Variants in TRIM63 observed in about 807,000 individuals in gnomAD.
TRIM63 encodes the protein E3 ubiquitin-protein ligase TRIM63.
In TRIM63, 48 loss-of-function variants were observed where a neutral mutation model predicts 46.0. The ratio of observed to expected loss-of-function variants is 1.04; its 90% CI spans 0.83 to 1.33. TRIM63 has a LOEUF of 1.33. TRIM63 is among the 40% of genes most tolerant of loss of function. The probability of loss-of-function intolerance (pLI) is 0.00; values close to 1 mark genes in which losing one functional copy is unlikely to be tolerated. For missense variants in TRIM63, 455 were observed against 441.2 expected, an observed-to-expected ratio of 1.03 and a Z score of -0.28; for synonymous variants, 175 against 162.8, an observed-to-expected ratio of 1.08 and a Z score of -0.57.
In TRIM63 at chr1:26,053,875, G is replaced by A. The variant is rs2050544909; in HGVS notation, c.1051+18C>T. On this transcript the variant is annotated intron_variant, in intron 8 of 8. Transcript: ENST00000374272. Reference sequence around the variant, plus strand: ...ATGAATGAAGGAACGAAGGAATGGAGGTAGATGAATTTCTTACCTTCTTCC... The same window carrying A: ...ATGAATGAAGGAACGAAGGAATGGAAGTAGATGAATTTCTTACCTTCTTCC... The A allele has an allele frequency of 1.3e-6, 2 of 1,567,098 alleles. No individual in the cohort carries two copies. The highest frequency in any genetic ancestry group is 8.7e-7 in the Non-Finnish European group (1 of 1,145,404).
At position 26,051,839 on chromosome 1, in the gene TRIM63, T is replaced by A; in HGVS notation, c.*34A>T. ...GCCCCTCCCCACCCTCTCCAGTCTC[T>A]CTGCATCTGGGGGCCTCTCATTCAT... On this transcript the variant is annotated 3_prime_UTR_variant, in exon 9 of 9. Coordinates refer to ENST00000374272, the MANE Select transcript of TRIM63 (RefSeq NM_032588.4). The A allele has an allele frequency of 8.8e-7, 1 of 1,139,448 alleles. No individual in the cohort carries two copies. Among genetic ancestry groups the A allele is most frequent in the Non-Finnish European group, 1.1e-6 (1 of 909,490 alleles). The allele number at this position is 1,139,448 out of a possible 1,614,324, so 70.6% of individuals were successfully genotyped here. A position where few individuals can be genotyped will look rare whatever the true frequency, so the allele number is the denominator to read the frequency against.
chr1:26,066,020 C>T (rs1304178109), intron 2 of TRIM63, among the ~76,000 whole-genome samples: 1 of 152,208 alleles, frequency 6.6e-6, no homozygotes, highest in East Asian at 1.9e-4. Context: ...CTCATCTTTC[C>T]CCCAGTCTCT....
intron 2 of TRIM63, among the ~76,000 whole-genome samples, chr1:26,063,356 C>T (rs2050644897): frequency 6.6e-6 from 1 of 152,170 alleles, no homozygotes; most frequent in African/African-American, 2.4e-5. Flanking sequence ...GTGACTGTTC[C>T]CATCAGTGTC....
At chr1:26,054,134 C>T (rs1456651101) in intron 7 of TRIM63, among the ~76,000 whole-genome samples, 170 bp from the exon 8 acceptor site, 1 of 152,246 alleles carries the variant, frequency 6.6e-6, no homozygotes, top group Non-Finnish European at 1.5e-5. Flanking sequence ...GCCAGACCCA[C>T]GCTGCACAGA....
intron 2 of TRIM63, among the ~76,000 whole-genome samples, chr1:26,064,276 T>C (rs1040856921): frequency 6.6e-6 from 1 of 151,878 alleles, no homozygotes; most frequent in African/African-American, 2.4e-5. Flanking sequence ...ACTAAAAATA[T>C]AATAATTAGC....
rs939674761 is a variant in TRIM63 at position 26,062,102 on chromosome 1, T to A, written c.333-768A>T. On this transcript the variant is annotated intron_variant, in intron 2 of 8. Transcript: ENST00000374272. ...GACCAATATGATGAAACCCCGTCTC[T>A]ACTAAAAACTCAAAAAAATTAACCA... is the stretch of plus-strand genomic sequence containing the variant. Among the ~76,000 whole-genome samples the A allele has an allele frequency of 2.6e-5, 4 of 151,998 alleles. No homozygotes were observed. The South Asian group carries it at 8.3e-4, about 31-fold the overall frequency.
At chr1:26,061,918 C>A (rs1025832753) in intron 2 of TRIM63, among the ~76,000 whole-genome samples, 1 of 152,192 alleles carries the variant, frequency 6.6e-6, no homozygotes, top group African/African-American at 2.4e-5. Flanking sequence ...ACCCCTGTGC[C>A]TACACTGTAC....
rs2050625963 is a variant in TRIM63, at chr1:26,061,499, TGGGCCC to T, written c.333-171_333-166del. Among the ~76,000 whole-genome samples, 4 of 152,316 alleles carry T rather than the reference TGGGCCC, an allele frequency of 2.6e-5. No homozygotes were observed. In the South Asian group the frequency reaches 8.3e-4, roughly 32 times the overall value. On this transcript the variant is annotated intron_variant, in intron 2 of 8. Transcript: ENST00000374272. Reference sequence around the variant, plus strand: ...TCTGTGAATCTCCAGATTTATGCCCTGGGCCCTCAGTGTTTGGCTGCCCTAAAATCT... The same window carrying T: ...TCTGTGAATCTCCAGATTTATGCCCTTCAGTGTTTGGCTGCCCTAAAATCT...
chr1:26,067,273 T>TTCATCACCG, intron 1 of TRIM63, 63 bp downstream of exon 1: 1 of 1,586,902 alleles, frequency 6.3e-7, no homozygotes, highest in Non-Finnish European at 8.6e-7. Context: ...GGAGAAGGGT[T>TTCATCACCG]TCATCACAGG....
intron 4 of TRIM63, among the ~76,000 whole-genome samples, chr1:26,059,663 C>A (rs2050605217): frequency 6.6e-6 from 1 of 152,128 alleles, no homozygotes; most frequent in Non-Finnish European, 1.5e-5. Context: ...TATGATGACC[C>A]CTTCCCCTCA....
intron 2 of TRIM63, among the ~76,000 whole-genome samples, chr1:26,063,162 C>G (rs12733047): frequency 6.6e-6 from 1 of 152,174 alleles, no homozygotes; most frequent in Non-Finnish European, 1.5e-5. Flanking sequence ...CCTCGAACTC[C>G]TGGGCTGAGC....
intron 2 of TRIM63, 114 bp from the exon 3 acceptor site, chr1:26,061,448 G>T: frequency 8.6e-7 from 1 of 1,168,582 alleles, no homozygotes; most frequent in Non-Finnish European, 1.2e-6. Context: ...GGATTGCTCA[G>T]CCCAGGAATT....
chr1:26,066,234 G>A (rs2050675421), intron 2 of TRIM63, 34 bp downstream of exon 2: 1 of 1,611,394 alleles, frequency 6.2e-7, no homozygotes, highest in South Asian at 1.1e-5. Flanking sequence ...TGGCTGGGAA[G>A]GAGGGCGGGC....
At chr1:26,064,851 GTCACCTT>G (rs1334969749) in intron 2 of TRIM63, among the ~76,000 whole-genome samples, 1 of 152,212 alleles carries the variant, frequency 6.6e-6, no homozygotes, top group East Asian at 1.9e-4. Context: ...GATCTGGTCT[GTCACCTT>G]CCCCTGGGCT....
Position 26,057,193 on chromosome 1 carries a change from C to A in TRIM63, c.979+10G>T. 6.2e-7 allele frequency: 1 copy of A among 1,613,990 alleles called. No homozygotes were observed. On this transcript the variant is annotated intron_variant, in intron 7 of 8. Coordinates refer to ENST00000374272, the MANE Select transcript of TRIM63 (RefSeq NM_032588.4). The stretch of plus-strand genomic sequence containing the variant: ...GGCAAATAGACAAGTGGCATCACCA[C>A]CTCCTTTACCTGTCCCAAAGTCAAT...
At chr1:26,066,488 C>A in intron 1 of TRIM63, 48 bp from the exon 2 acceptor site, 1 of 1,468,686 alleles carries the variant, frequency 6.8e-7, no homozygotes, top group East Asian at 2.4e-5. Context: ...CTACTTAGCC[C>A]TTCTCTTTTC....
At chr1:26,057,711 C>A (rs2050586018) in intron 5 of TRIM63, 61 bp from the exon 6 acceptor site, 2 of 1,540,932 alleles carry the variant, frequency 1.3e-6, no homozygotes, top group South Asian at 1.2e-5. Flanking sequence ...AGGAAATCAG[C>A]AAAACTAGTG....
Position 26,060,267 on chromosome 1 carries a change from T to C in TRIM63, c.596A>G (p.Lys199Arg). The change falls in exon 4 of 9, where the codon AAG becomes AGG. Residue 199 changes from lysine (K) to arginine (R), a missense_variant and splice_region_variant. By Grantham distance (26) the Lys-to-Arg change is conservative. Transcript: ENST00000374272. ...GGCAGGACTATTCTGTCCGCTCACC[T>C]TGGTCACTCGACGGGAATCCTCCAG... is the stretch of plus-strand genomic sequence containing the variant. The part of the protein sequence containing the change: ...TQLEDSRRVT[K>R]ENSHQVKEEL... 3.7e-6 allele frequency: 6 copies of C among 1,613,532 alleles called. No homozygotes were observed. Among genetic ancestry groups the C allele is most frequent in the Non-Finnish European group, 5.1e-6 (6 of 1,179,692 alleles).
Position 26,053,899 on chromosome 1 carries a change from C to T in TRIM63, c.1045G>A (p.Glu349Lys). ...AGGTAGATGAATTTCTTACCTTCTTCCTTCCCTTCTGTGGACTCTTCCTCT... is the reference window on the plus strand; with the variant it reads ...AGGTAGATGAATTTCTTACCTTCTTTCTTCCCTTCTGTGGACTCTTCCTCT... ...QEEEESTEGK[E>K]EGHQ The change falls in exon 8 of 9, where the codon GAA (glutamate) becomes AAA (lysine). Residue 349 changes from glutamate (E) to lysine (K), a missense_variant. Transcript: ENST00000374272. 1 of 1,593,372 alleles carries T rather than the reference C, an allele frequency of 6.3e-7. No individual in the cohort carries two copies. Among genetic ancestry groups the T allele is most frequent in the South Asian group, 1.1e-5 (1 of 87,948 alleles).
Sources: allele counts gnomAD v4.1 joint callset (sites outside exome capture counted in the v4.1 genomes callset), GRCh38; gene constraint gnomAD v4.1.1; transcripts MANE v1.5; gene names NCBI Gene and HGNC (gene_info 2026-07-23, HGNC 2026-07-21).